TMEM38B: variants seen among roughly 807,000 people sequenced by gnomAD.
TMEM38B encodes transmembrane protein 38B, also known as trimeric intracellular cation channel type B.
A neutral mutation model predicts 28.7 loss-of-function variants in TMEM38B; 24 were observed. That is an observed-to-expected ratio of 0.84 (90% CI 0.61 to 1.18). The LOEUF is 1.18. TMEM38B is among the 50% of genes most tolerant of loss of function. The probability of loss-of-function intolerance (pLI) is 0.00; values close to 1 mark genes in which losing one functional copy is unlikely to be tolerated. For missense variants in TMEM38B, 380 were observed against 350.9 expected (o/e 1.08, Z -0.66); for synonymous variants, 131 against 127.7 (o/e 1.03, Z -0.17).
intron 4 of TMEM38B, among the ~76,000 whole-genome samples, chr9:105,736,550 C>G (rs1836988400): frequency 6.6e-6 from 1 of 152,182 alleles, no homozygotes; most frequent in Non-Finnish European, 1.5e-5. Context: ...TTGTGTCTCA[C>G]TGAGTTTCCT....
intron 1 of TMEM38B, among the ~76,000 whole-genome samples, chr9:105,698,171 A>G (rs1045572485): frequency 6.7e-6 from 1 of 149,704 alleles, no homozygotes; most frequent in African/African-American, 2.5e-5. Context: ...TTTATGGCTT[A>G]AGTTTGTTGG....
At chr9:105,739,409 G>A (rs1442042090) in intron 4 of TMEM38B, among the ~76,000 whole-genome samples, 5 of 148,776 alleles carry the variant, frequency 3.4e-5, no homozygotes, top group Middle Eastern at 3.5e-3. Flanking sequence ...TTCCATTTCT[G>A]CAAAACAAAA....
At chr9:105,759,166 A>C in intron 5 of TMEM38B, 1 of 757,934 alleles carries the variant, frequency 1.3e-6, no homozygotes. Context: ...ACAATCACAG[A>C]TTATTTTCTA....
rs1466949138 is a variant in TMEM38B at position 105,721,620 on chromosome 9, A to G, written c.353A>G (p.Lys118Arg). Residue 118 changes from lysine (K) to arginine (R), a missense_variant, in exon 3 of 6, where the codon AAG (lysine) becomes AGG (arginine). Coordinates refer to ENST00000374692, the MANE Select transcript of TMEM38B (RefSeq NM_018112.3). ...LPVQLLASGM[K>R]EVTRTWKIVG... ...GTTCAACTACTGGCTTCGGGAATGAAGGAAGTGACCAGAACTTGGAAAATA... is the reference window on the plus strand; with the variant it reads ...GTTCAACTACTGGCTTCGGGAATGAGGGAAGTGACCAGAACTTGGAAAATA... The G allele has an allele frequency of 6.2e-7, 1 of 1,613,748 alleles. No homozygotes were observed. Among genetic ancestry groups the G allele is most frequent in the Non-Finnish European group, 8.5e-7 (1 of 1,179,762 alleles).
rs75895570 is a variant in TMEM38B at position 105,722,445 on chromosome 9, A to G, written c.455-89A>G. ...TATTTTGGGAATCCTCTTGGAATGT[A>G]TTATCAGGTGATAGAATTATGGCTC... is the stretch of plus-strand genomic sequence containing the variant. On this transcript the variant is annotated intron_variant, in intron 3 of 5. Coordinates refer to ENST00000374692, the MANE Select transcript of TMEM38B (RefSeq NM_018112.3). The G allele has an allele frequency of 1.3e-3, 1,380 of 1,041,552 alleles. 13 individuals are homozygous for G. In the African/African-American group the frequency reaches 0.02, roughly 15 times the overall value. The allele number at this position is 1,041,552 out of a possible 1,614,324, so 64.5% of individuals were successfully genotyped here. A position where few individuals can be genotyped will look rare whatever the true frequency, so the allele number is the denominator to read the frequency against.
At chr9:105,710,637 G>A (rs530493937) in intron 2 of TMEM38B, 1 of 742,002 alleles carries the variant, frequency 1.3e-6, no homozygotes, top group East Asian at 2.7e-5. Flanking sequence ...CTCTTGGATG[G>A]TGAGTGTGGA....
intron 5 of TMEM38B, among the ~76,000 whole-genome samples, chr9:105,767,531 A>C (rs1000658892): frequency 5.9e-5 from 9 of 152,240 alleles, no homozygotes; most frequent in Non-Finnish European, 1.2e-4. Flanking sequence ...ATTTGGGAAG[A>C]AATCAGATCT....
chr9:105,769,078 A>G (rs781303208), intron 5 of TMEM38B, among the ~76,000 whole-genome samples: 1 of 152,222 alleles, frequency 6.6e-6, no homozygotes, highest in Non-Finnish European at 1.5e-5. Context: ...CTTACAACAT[A>G]TATCAGAGGG....
chr9:105,711,049 T>C (rs1022126234), intron 2 of TMEM38B, among the ~76,000 whole-genome samples: 1 of 152,192 alleles, frequency 6.6e-6, no homozygotes, highest in African/African-American at 2.4e-5. Flanking sequence ...CAAAAAGTAT[T>C]TATAAAGTTA....
chr9:105,719,879 C>T (rs1235026285), intron 2 of TMEM38B, among the ~76,000 whole-genome samples: 1 of 151,866 alleles, frequency 6.6e-6, no homozygotes, highest in Non-Finnish European at 1.5e-5. Context: ...GAAAACAAAT[C>T]CCCCTTTCTT....
chr9:105,751,710 C>T (rs571689316), intron 5 of TMEM38B, among the ~76,000 whole-genome samples: 3 of 152,250 alleles, frequency 2.0e-5, no homozygotes, highest in Admixed American at 1.3e-4. Context: ...GGGGGAGGGG[C>T]GGCTGGCATC....
chr9:105,765,774 C>A (rs1169203876), intron 5 of TMEM38B, among the ~76,000 whole-genome samples: 1 of 152,002 alleles, frequency 6.6e-6, no homozygotes, highest in East Asian at 1.9e-4. Context: ...ACATATATGT[C>A]TGTACACAGA....
chr9:105,740,558 G>A (rs750526711), intron 4 of TMEM38B, among the ~76,000 whole-genome samples: 3 of 152,100 alleles, frequency 2.0e-5, no homozygotes, highest in African/African-American at 7.2e-5. Context: ...GAGCCACCAC[G>A]CCCGGCCCCT....
intron 5 of TMEM38B, among the ~76,000 whole-genome samples, chr9:105,752,014 A>G (rs1837672291): frequency 6.6e-6 from 1 of 151,446 alleles, no homozygotes; most frequent in African/African-American, 2.4e-5. Context: ...TGGAGAATAC[A>G]AATGTTACAG....
intron 5 of TMEM38B, among the ~76,000 whole-genome samples, chr9:105,755,297 G>A (rs539215974): frequency 2.0e-5 from 3 of 152,176 alleles, no homozygotes; most frequent in Non-Finnish European, 2.9e-5. Context: ...AGGGCCTGTC[G>A]GGGAGGTGGA....
At chr9:105,724,434 G>A (rs1172646703) in intron 4 of TMEM38B, among the ~76,000 whole-genome samples, 2 of 151,826 alleles carry the variant, frequency 1.3e-5, no homozygotes, top group Non-Finnish European at 2.9e-5. Flanking sequence ...ACGAGCCTGG[G>A]CAACATGGTG....
In TMEM38B at chr9:105,775,236, C is replaced by T. The variant is rs948853865; in HGVS notation, c.*1156C>T. On this transcript the variant is annotated 3_prime_UTR_variant, in exon 6 of 6. Transcript: ENST00000374692. ...GCTAACCAAGAAGAAACAGAGAAAC[C>T]AGAACTTCATATGGCAGTCCATTTA... 2.6e-5 allele frequency: 4 copies of T among 152,008 alleles called. No individual in the cohort carries two copies. The highest frequency in any genetic ancestry group is 9.7e-5 in the African/African-American group (4 of 41,420). 9.4% of individuals were successfully genotyped at this position (152,008 alleles called of 1,614,324 possible).
At chr9:105,749,235 T>C in intron 5 of TMEM38B, 1 of 527,714 alleles carries the variant, frequency 1.9e-6, no homozygotes, top group Non-Finnish European at 2.8e-6. Context: ...GTTAGTCTGT[T>C]CTCATGCTGC....
At chr9:105,708,600 A>G (rs533704575) in intron 2 of TMEM38B, among the ~76,000 whole-genome samples, 3 of 152,146 alleles carry the variant, frequency 2.0e-5, no homozygotes, top group African/African-American at 4.8e-5. Flanking sequence ...TTACAACTCT[A>G]TTCTTGCTCA....
Sources: allele counts gnomAD v4.1 joint callset (sites outside exome capture counted in the v4.1 genomes callset), GRCh38; gene constraint gnomAD v4.1.1; transcripts MANE v1.5; gene names NCBI Gene and HGNC (gene_info 2026-07-23, HGNC 2026-07-21).